The following C12orf42 variants were observed in gnomAD, a reference collection of about 807,000 sequenced individuals.
C12orf42 encodes uncharacterized protein C12orf42.
A neutral mutation model predicts 21.6 loss-of-function variants in C12orf42; 25 were observed. The observed-to-expected ratio is 1.16, with a 90% CI of 0.84 to 1.62. C12orf42 has a LOEUF of 1.62. C12orf42 is among the 40% of genes most tolerant of loss of function. The probability of loss-of-function intolerance (pLI) is 0.00; values close to 1 mark genes in which losing one functional copy is unlikely to be tolerated. For synonymous variants in C12orf42, 174 were observed against 175.0 expected, an observed-to-expected ratio of 0.99 and a Z score of 0.05; for missense variants, 483 against 459.3, an observed-to-expected ratio of 1.05 and a Z score of -0.47.
At chr12:103,355,759 G>C (rs1325661870) in intron 4 of C12orf42, among the ~76,000 whole-genome samples, 1 of 152,012 alleles carries the variant, frequency 6.6e-6, no homozygotes, top group Non-Finnish European at 1.5e-5. Context: ...ATTTTAGCAA[G>C]ACATCCTAGC....
At chr12:103,258,364 A>C (rs2034717169) in intron 10 of C12orf42, among the ~76,000 whole-genome samples, 3 of 152,130 alleles carry the variant, frequency 2.0e-5, no homozygotes, top group African/African-American at 7.2e-5. Context: ...GCTAACAAAA[A>C]TCTTCAGCAA....
intron 3 of C12orf42, among the ~76,000 whole-genome samples, chr12:103,374,764 C>T (rs1208715817): frequency 1.3e-5 from 2 of 152,020 alleles, no homozygotes; most frequent in Non-Finnish European, 2.9e-5. Context: ...TGCATGTGGC[C>T]CATGCTGCAT....
At chr12:103,362,140 G>A (rs2044171025) in intron 4 of C12orf42, among the ~76,000 whole-genome samples, 1 of 152,144 alleles carries the variant, frequency 6.6e-6, no homozygotes, top group African/African-American at 2.4e-5. Context: ...GTAGGTGCTG[G>A]TTTCCACAGC....
At chr12:103,382,897 C>G (rs539227469) in intron 3 of C12orf42, among the ~76,000 whole-genome samples, 19 of 152,250 alleles carry the variant, frequency 1.2e-4, no homozygotes, top group African/African-American at 4.6e-4. Context: ...AGTTCTTTCA[C>G]TTCTTCTCTA....
intron 2 of C12orf42, among the ~76,000 whole-genome samples, chr12:103,465,753 C>G (rs550266515): frequency 6.6e-6 from 1 of 151,348 alleles, no homozygotes; most frequent in African/African-American, 2.4e-5. Context: ...AAATGGCTCT[C>G]ATTTTGAGGT....
the C12orf42 span, among the ~76,000 whole-genome samples, chr12:103,072,639 G>A: frequency 2.6e-5 from 4 of 151,998 alleles, no homozygotes; most frequent in African/African-American, 7.2e-5. Context: ...TGGTATTGCT[G>A]GGTTGAATGG....
intron 3 of C12orf42, 144 bp from the exon 4 acceptor site, chr12:103,369,142 C>G: frequency 1.8e-6 from 1 of 553,712 alleles, no homozygotes; most frequent in Non-Finnish European, 3.3e-6. Context: ...ATGAAACAAT[C>G]CTGAAAACAA....
upstream of C12orf42, among the ~76,000 whole-genome samples, chr12:103,499,381 T>A (rs190818703): frequency 3.6e-3 from 545 of 152,354 alleles, 6 homozygotes; most frequent in African/African-American, 0.012. Flanking sequence ...AGAAAGTTTT[T>A]ATTTGTCAAT....
chr12:103,226,889 A>C, the C12orf42 span, among the ~76,000 whole-genome samples: 1 of 152,176 alleles, frequency 6.6e-6, no homozygotes, highest in East Asian at 1.9e-4. Context: ...GAAGGGACTG[A>C]TGTGTAAAAG....
At chr12:103,456,124 A>G (rs1204749992) in intron 2 of C12orf42, 1 of 152,078 alleles carries the variant, frequency 6.6e-6, no homozygotes, top group African/African-American at 2.4e-5. Flanking sequence ...CACTGCAGCT[A>G]AGGAAACCTG....
At chr12:103,049,711 G>A in the C12orf42 span, among the ~76,000 whole-genome samples, 1 of 151,948 alleles carries the variant, frequency 6.6e-6, no homozygotes, top group African/African-American at 2.4e-5. Context: ...GTGCCTCTTT[G>A]CTGACCCTGG....
At chr12:103,532,771 T>C in the C12orf42 span, among the ~76,000 whole-genome samples, 2 of 152,202 alleles carry the variant, frequency 1.3e-5, no homozygotes, top group African/African-American at 4.8e-5. Flanking sequence ...ATATGTGACC[T>C]ACTAACTGTA....
At chr12:103,450,326 G>A (rs1182720426) in intron 2 of C12orf42, among the ~76,000 whole-genome samples, 1 of 152,040 alleles carries the variant, frequency 6.6e-6, no homozygotes, top group East Asian at 1.9e-4. Flanking sequence ...TTGATATCAA[G>A]ATTATGTACT....
chr12:103,049,935 A>G, the C12orf42 span, among the ~76,000 whole-genome samples: 21 of 152,158 alleles, frequency 1.4e-4, no homozygotes, highest in African/African-American at 4.8e-4. Flanking sequence ...TCTCTGTTTT[A>G]TTTGTGTCTA....
intron 2 of C12orf42, among the ~76,000 whole-genome samples, chr12:103,435,828 A>G (rs1312241506): frequency 6.6e-6 from 1 of 152,060 alleles, no homozygotes; most frequent in Non-Finnish European, 1.5e-5. Context: ...AAACACTCTG[A>G]AGGATATTAT....
At chr12:103,313,566 T>C (rs1451485295) in intron 4 of C12orf42, among the ~76,000 whole-genome samples, 1 of 152,186 alleles carries the variant, frequency 6.6e-6, no homozygotes, top group Non-Finnish European at 1.5e-5. Flanking sequence ...AGTTTTCCCA[T>C]TCATAAAATA....
chr12:103,289,434 T>C (rs1465784856), intron 4 of C12orf42, among the ~76,000 whole-genome samples: 1 of 152,202 alleles, frequency 6.6e-6, no homozygotes, highest in Non-Finnish European at 1.5e-5. Context: ...GCATGCATTT[T>C]ACAATTTTAC....
At chr12:103,496,255 A>G (rs536680375), upstream of C12orf42, among the ~76,000 whole-genome samples, 1 of 152,274 alleles carries the variant, frequency 6.6e-6, no homozygotes, top group East Asian at 1.9e-4. Flanking sequence ...TTCTGGAGGT[A>G]GTAATCCCCA....
chr12:103,559,880 T>G, the C12orf42 span: 1 of 152,238 alleles, frequency 6.6e-6, no homozygotes, highest in Non-Finnish European at 1.5e-5. Context: ...AGTGTAATTG[T>G]TATTGATTAT....
Sources: gnomAD v4.1 joint callset for allele counts (sites outside exome capture counted in the v4.1 genomes callset) on GRCh38, gnomAD v4.1.1 for gene constraint, MANE v1.5 for transcripts, NCBI Gene and HGNC (gene_info 2026-07-23, HGNC 2026-07-21) for gene names.